MDGA2: variants seen among roughly 807,000 people sequenced by gnomAD.
MDGA2 encodes MAM domain containing glycosylphosphatidylinositol anchor 2.
A neutral mutation model predicts 117.8 loss-of-function variants in MDGA2; 40 were observed. That is an observed-to-expected ratio of 0.34 (90% CI 0.26 to 0.44). The LOEUF is 0.44. Ranked by LOEUF, MDGA2 falls within the 20% of genes least tolerant of loss-of-function variation. The pLI is 1.00. For synonymous variants in MDGA2, 452 were observed against 439.0 expected, an observed-to-expected ratio of 1.03 and a Z score of -0.37; for missense variants, 1,123 against 1,250.6, an observed-to-expected ratio of 0.90 and a Z score of 1.54.
rs200102594 is a variant in MDGA2, at chr14:47,171,591, A to AT, written c.596-27318dup. ...AGTAGTTTCTTTCCTGAAAATATACATTTTGAATGCATGCTGCTAATCATT... is the reference window on the plus strand; with the variant it reads ...AGTAGTTTCTTTCCTGAAAATATACATTTTTGAATGCATGCTGCTAATCATT... On this transcript the variant is annotated intron_variant, in intron 3 of 16. Coordinates refer to ENST00000399232, the MANE Select transcript of MDGA2 (RefSeq NM_001113498.3). Among the ~76,000 whole-genome samples the AT allele has an allele frequency of 1.2e-3, 177 of 152,298 alleles. 2 individuals carry two copies. In the East Asian group the frequency reaches 0.031, roughly 27 times the overall value.
rs544192591 is a variant in MDGA2, at chr14:47,259,381, A to C, written c.421-41186T>G. The stretch of plus-strand genomic sequence containing the variant: ...AGCTTGTACTTTAAAACAAGCAAAT[A>C]AAAATAACCAATCCTATAAATAAGT... On this transcript the variant is annotated intron_variant, in intron 2 of 16. Transcript: ENST00000399232. 2.2e-4 allele frequency among the ~76,000 whole-genome samples: 33 copies of C among 152,226 alleles called. No individual in the cohort carries two copies. The South Asian group carries it at 6.4e-3, about 30-fold the overall frequency.
In MDGA2 at chr14:47,390,575, C is replaced by A. The variant is rs569700413; in HGVS notation, c.281-89025G>T. The stretch of plus-strand genomic sequence containing the variant: ...GCTGTCAAGTTCTCTTACTTGAGAA[C>A]TAGTTATTGTTTATCTTGGGAACAC... On this transcript the variant is annotated intron_variant, in intron 1 of 16. Transcript: ENST00000399232. Among the ~76,000 whole-genome samples the A allele has an allele frequency of 2.2e-4, 33 of 152,282 alleles. No homozygotes were observed. In the South Asian group the frequency reaches 6.2e-3, roughly 29 times the overall value.
chr14:47,556,122 G>A (rs1895678320), intron 1 of MDGA2, among the ~76,000 whole-genome samples: 1 of 152,226 alleles, frequency 6.6e-6, no homozygotes, highest in Non-Finnish European at 1.5e-5. Context: ...CGGGTGGGTA[G>A]CTTCACTCAA....
chr14:47,223,116 T>C (rs752034714), intron 2 of MDGA2, among the ~76,000 whole-genome samples: 4 of 152,118 alleles, frequency 2.6e-5, no homozygotes, highest in Non-Finnish European at 4.4e-5. Flanking sequence ...TCAGATCTTG[T>C]GAGACTTATT....
At chr14:46,948,670 C>T (rs1053495252) in intron 9 of MDGA2, among the ~76,000 whole-genome samples, 3 of 151,972 alleles carry the variant, frequency 2.0e-5, no homozygotes, top group African/African-American at 7.2e-5. Flanking sequence ...CTGATTCTCT[C>T]TCAACGTTTC....
chr14:47,537,000 C>T (rs1895225745), intron 1 of MDGA2, among the ~76,000 whole-genome samples: 1 of 152,038 alleles, frequency 6.6e-6, no homozygotes, highest in Non-Finnish European at 1.5e-5. Flanking sequence ...ACACTAAATT[C>T]ATGCATGTAA....
At chr14:46,956,921 A>ACT (rs1308301290) in intron 9 of MDGA2, among the ~76,000 whole-genome samples, 3 of 150,164 alleles carry the variant, frequency 2.0e-5, no homozygotes, top group South Asian at 2.1e-4. Flanking sequence ...TTCCCCCTTC[A>ACT]CTCTCTCTCT....
intron 1 of MDGA2, among the ~76,000 whole-genome samples, chr14:47,508,577 T>C (rs1894570281): frequency 1.3e-5 from 2 of 152,220 alleles, no homozygotes; most frequent in South Asian, 4.1e-4. Flanking sequence ...ATATGAAATC[T>C]AGTGGGTAGC....
intron 1 of MDGA2, among the ~76,000 whole-genome samples, chr14:47,562,430 G>A (rs773634326): frequency 1.2e-4 from 18 of 152,228 alleles, no homozygotes; most frequent in Middle Eastern, 6.8e-3. Context: ...CTCATTATTG[G>A]TATCCAGGGA....
At chr14:47,334,397 G>C (rs552323364) in intron 1 of MDGA2, among the ~76,000 whole-genome samples, 1 of 151,800 alleles carries the variant, frequency 6.6e-6, no homozygotes, top group Non-Finnish European at 1.5e-5. Context: ...GAGTAAGGTA[G>C]CATAGCTTTT....
chr14:47,307,751 T>C (rs1348278210), intron 1 of MDGA2, among the ~76,000 whole-genome samples: 3 of 152,050 alleles, frequency 2.0e-5, no homozygotes, highest in African/African-American at 7.2e-5. Context: ...AATTCAGTTT[T>C]GGATGCTGAT....
chr14:46,926,561 T>C (rs1007017027), intron 9 of MDGA2, among the ~76,000 whole-genome samples: 5 of 152,154 alleles, frequency 3.3e-5, no homozygotes, highest in Admixed American at 3.3e-4. Context: ...GTTAAAATGT[T>C]AGGTAAAATA....
intron 1 of MDGA2, among the ~76,000 whole-genome samples, chr14:47,306,925 C>A (rs1236562954): frequency 6.6e-6 from 1 of 151,678 alleles, no homozygotes; most frequent in African/African-American, 2.4e-5. Context: ...TCTCACATGG[C>A]CAAGAGTCAG....
rs1290602059 is a variant in MDGA2, at chr14:47,424,536, A to T, written c.281-122986T>A. On this transcript the variant is annotated intron_variant, in intron 1 of 16. Transcript: ENST00000399232. ...TGTCAGAACTATATCCCTTATACTC[A>T]TTTGTATATTAGAAGTGCATCATTC... is the stretch of plus-strand genomic sequence containing the variant. 2.0e-5 allele frequency among the ~76,000 whole-genome samples: 3 copies of T among 152,140 alleles called. No homozygotes were observed. The East Asian group carries it at 5.8e-4, about 29-fold the overall frequency.
At chr14:46,965,931 G>T (rs1886011092) in intron 8 of MDGA2, among the ~76,000 whole-genome samples, 1 of 151,920 alleles carries the variant, frequency 6.6e-6, no homozygotes, top group Non-Finnish European at 1.5e-5. Context: ...CTTAAAAGTA[G>T]GATTTCTTAA....
chr14:46,899,832 G>A (rs79187942), intron 10 of MDGA2, among the ~76,000 whole-genome samples: 118 of 152,096 alleles, frequency 7.8e-4, no homozygotes, highest in South Asian at 2.5e-3. Context: ...TAGATCTAAC[G>A]TAAGAGGTTT....
chr14:47,457,252 A>T (rs1430285267), intron 1 of MDGA2, among the ~76,000 whole-genome samples: 1 of 152,228 alleles, frequency 6.6e-6, no homozygotes, highest in Non-Finnish European at 1.5e-5. Context: ...AACAGCATGC[A>T]TTTAAAAAAA....
At position 47,133,749 on chromosome 14, in the gene MDGA2, G is replaced by C. The variant is rs561155678; in HGVS notation, c.793-1903C>G. Among the ~76,000 whole-genome samples, 38 of 151,796 alleles carry C rather than the reference G, an allele frequency of 2.5e-4. No homozygotes were observed. In the South Asian group the frequency reaches 3.7e-3, roughly 15 times the overall value. On this transcript the variant is annotated intron_variant, in intron 4 of 16. Transcript: ENST00000399232. ...ACCTACTCCTCCTTCTGTAATAATGGGAATTTACACCCAATTATAACTTCT... is the reference window on the plus strand; with the variant it reads ...ACCTACTCCTCCTTCTGTAATAATGCGAATTTACACCCAATTATAACTTCT...
chr14:47,626,645 C>A (rs974404105), intron 1 of MDGA2: 3 of 152,580 alleles, frequency 2.0e-5, no homozygotes, highest in Non-Finnish European at 4.4e-5. Flanking sequence ...GGGCCCCGCA[C>A]TGGGAGCGGC....
Sources: allele counts gnomAD v4.1 joint callset (sites outside exome capture counted in the v4.1 genomes callset), GRCh38; gene constraint gnomAD v4.1.1; transcripts MANE v1.5; gene names NCBI Gene and HGNC (gene_info 2026-07-23, HGNC 2026-07-21).